The following AUH variants were observed in gnomAD, a reference collection of about 807,000 sequenced individuals.
AUH encodes AU RNA binding methylglutaconyl-CoA hydratase.
In AUH, 29 loss-of-function variants were observed where a neutral mutation model predicts 42.3. The observed-to-expected ratio is 0.69, with a 90% CI of 0.51 to 0.93. The LOEUF (loss-of-function observed/expected upper bound fraction) is 0.93, where lower values mean the gene tolerates loss of function less well. Among genes scored for constraint, AUH ranks in the 40% least tolerant of loss-of-function variants. AUH has a pLI of 0.00. For missense variants in AUH, 452 were observed against 438.1 expected (o/e 1.03, Z -0.28); for synonymous variants, 174 against 166.4 (o/e 1.05, Z -0.35).
At chr9:91,258,305 G>A (rs974023810) in intron 6 of AUH, among the ~76,000 whole-genome samples, 11 of 151,608 alleles carry the variant, frequency 7.3e-5, no homozygotes, top group African/African-American at 1.2e-4. Flanking sequence ...GTGTGATCTC[G>A]GCTCACTGCA....
At chr9:91,244,392 C>A (rs1828684365) in intron 6 of AUH, among the ~76,000 whole-genome samples, 1 of 152,182 alleles carries the variant, frequency 6.6e-6, no homozygotes, top group Non-Finnish European at 1.5e-5. Context: ...TTCCTAGTTA[C>A]TGAATTTGCA....
chr9:91,260,048 A>T (rs1469867095), intron 6 of AUH, among the ~76,000 whole-genome samples: 1 of 152,062 alleles, frequency 6.6e-6, no homozygotes, highest in East Asian at 1.9e-4. Flanking sequence ...GGAAATTTTC[A>T]TTCTATGTAT....
chr9:91,337,761 T>C (rs1180665324), intron 3 of AUH, among the ~76,000 whole-genome samples: 1 of 152,208 alleles, frequency 6.6e-6, no homozygotes, highest in Non-Finnish European at 1.5e-5. Flanking sequence ...TCTAACTAGA[T>C]GACATATTAG....
At chr9:91,307,164 T>C (rs919861190) in intron 4 of AUH, among the ~76,000 whole-genome samples, 5 of 152,168 alleles carry the variant, frequency 3.3e-5, no homozygotes, top group Admixed American at 6.5e-5. Flanking sequence ...ATTATCTTGA[T>C]TGTGGTGCTG....
chr9:91,345,929 G>A (rs1831473759), intron 3 of AUH, among the ~76,000 whole-genome samples: 1 of 151,966 alleles, frequency 6.6e-6, no homozygotes, highest in African/African-American at 2.4e-5. Flanking sequence ...AATGTAATGG[G>A]GGAAAAGTTG....
intron 6 of AUH, among the ~76,000 whole-genome samples, chr9:91,280,425 C>T (rs1995933): frequency 0.57 from 86,544 of 151,948 alleles, 28,260 homozygotes; most frequent in East Asian, 0.95. Context: ...CCTGTTTTTT[C>T]TAAGAGAGCA....
chr9:91,352,085 G>A (rs2132054107), intron 3 of AUH, among the ~76,000 whole-genome samples: 1 of 152,164 alleles, frequency 6.6e-6, no homozygotes, highest in Non-Finnish European at 1.5e-5. Flanking sequence ...GACCAGCCTG[G>A]GCAACATGGT....
At chr9:91,311,838 T>C (rs549966326) in intron 4 of AUH, among the ~76,000 whole-genome samples, 34 of 152,332 alleles carry the variant, frequency 2.2e-4, no homozygotes, top group Middle Eastern at 3.4e-3. Context: ...GATAATTTCA[T>C]TGCTGTGTAG....
At chr9:91,255,632 C>T (rs1032497377) in intron 6 of AUH, among the ~76,000 whole-genome samples, 3 of 151,788 alleles carry the variant, frequency 2.0e-5, no homozygotes, top group African/African-American at 4.9e-5. Flanking sequence ...AAGGATATTT[C>T]CATGACTGTC....
At chr9:91,332,835 A>G (rs1830430164) in intron 3 of AUH, among the ~76,000 whole-genome samples, 1 of 152,218 alleles carries the variant, frequency 6.6e-6, no homozygotes, top group Admixed American at 6.5e-5. Context: ...TGGGGGCGTG[A>G]GCATGGCCCG....
chr9:91,299,572 G>A (rs1026128492), intron 4 of AUH, among the ~76,000 whole-genome samples: 1 of 152,126 alleles, frequency 6.6e-6, no homozygotes, highest in Non-Finnish European at 1.5e-5. Context: ...AATTCAAAAT[G>A]TGCTTTCCAG....
At chr9:91,259,061 C>T (rs1829562058) in intron 6 of AUH, among the ~76,000 whole-genome samples, 1 of 152,136 alleles carries the variant, frequency 6.6e-6, no homozygotes, top group Non-Finnish European at 1.5e-5. Context: ...GAAGTATGCT[C>T]TCTATTTTCT....
In AUH at chr9:91,216,114, T is replaced by TA. The variant is rs1194639501; in HGVS notation, c.895-9dup. ...CCCTGTTACTAAATCGACCTGAGAATAAAAACATAATCCATTTCAGCAGAA... is the reference window on the plus strand; with the variant it reads ...CCCTGTTACTAAATCGACCTGAGAATAAAAAACATAATCCATTTCAGCAGAA... On this transcript the variant is annotated splice_polypyrimidine_tract_variant and intron_variant, in intron 8 of 9. Coordinates refer to ENST00000375731, the MANE Select transcript of AUH (RefSeq NM_001698.3). 8 of 1,611,478 alleles carry TA rather than the reference T, an allele frequency of 5.0e-6. No homozygotes were observed. Among genetic ancestry groups the TA allele is most frequent in the Non-Finnish European group, 6.8e-6 (8 of 1,178,296 alleles).
At chr9:91,303,722 T>C (rs544028262) in intron 4 of AUH, among the ~76,000 whole-genome samples, 1 of 152,354 alleles carries the variant, frequency 6.6e-6, no homozygotes, top group African/African-American at 2.4e-5. Context: ...TATGTAGCAT[T>C]ATGCTGGAAG....
At chr9:91,325,956 G>A (rs555651276) in intron 3 of AUH, among the ~76,000 whole-genome samples, 1 of 152,272 alleles carries the variant, frequency 6.6e-6, no homozygotes, top group East Asian at 1.9e-4. Context: ...AACCACAAGG[G>A]AGAAGCATAG....
chr9:91,328,509 AG>A (rs1444874852), intron 3 of AUH, among the ~76,000 whole-genome samples: 5 of 152,172 alleles, frequency 3.3e-5, no homozygotes, highest in Middle Eastern at 3.2e-3. Context: ...TCGGGTAAAG[AG>A]GGTATAAAAG....
In AUH at chr9:91,361,708, G is replaced by C; in HGVS notation, c.182C>G (p.Pro61Arg). Residue 61 changes from proline to arginine, a missense_variant, in exon 1 of 10, where the codon CCC becomes CGC. Coordinates refer to ENST00000375731, the MANE Select transcript of AUH (RefSeq NM_001698.3). ...AQGWVPAAGG[P>R]APKRGYSSEM... is the part of the protein sequence containing the mutation. ...AGAGCTGTAGCCCCTTTTCGGGGCG[G>C]GACCCCCGGCCGCAGGTACCCAGCC... 1 of 1,555,180 alleles carries C rather than the reference G, an allele frequency of 6.4e-7. No homozygotes were observed. The highest frequency in any genetic ancestry group is 1.2e-5 in the South Asian group (1 of 84,248).
chr9:91,356,295 T>G, intron 1 of AUH, 140 bp from the exon 2 acceptor site: 4 of 731,734 alleles, frequency 5.5e-6, no homozygotes, highest in Non-Finnish European at 9.4e-6. Context: ...AATCGATCTC[T>G]TCTTAAGCAC....
chr9:91,301,467 G>A (rs1827778725), intron 4 of AUH, among the ~76,000 whole-genome samples: 1 of 152,206 alleles, frequency 6.6e-6, no homozygotes, highest in Non-Finnish European at 1.5e-5. Context: ...CATTCTGGGA[G>A]GCCAAGGACG....
Sources: gnomAD v4.1 joint callset for allele counts (sites outside exome capture counted in the v4.1 genomes callset) on GRCh38, gnomAD v4.1.1 for gene constraint, MANE v1.5 for transcripts, NCBI Gene and HGNC (gene_info 2026-07-23, HGNC 2026-07-21) for gene names.